The following CLCN5 variants were observed in gnomAD, a reference collection of about 807,000 sequenced individuals.
The protein encoded by CLCN5 is Cl-/H+ antiporter 5.
A neutral mutation model predicts 54.0 loss-of-function variants in CLCN5; 17 were observed. That is an observed-to-expected ratio of 0.31 (90% CI 0.22 to 0.47). The LOEUF is 0.47. Ranked by LOEUF, CLCN5 falls within the 20% of genes least tolerant of loss-of-function variation. The pLI is 1.00. For missense variants in CLCN5, 448 were observed against 646.7 expected, an observed-to-expected ratio of 0.69 and a Z score of 3.33; for synonymous variants, 222 against 233.0, an observed-to-expected ratio of 0.95 and a Z score of 0.43.
At chrX:50,001,616 TC>T (rs375720698) in intron 3 of CLCN5, among the ~76,000 whole-genome samples, 3,058 of 44,933 alleles carry the variant, frequency 0.068, 177 homozygotes, top group African/African-American at 0.25. Context: ...CCCTCCCCCC[TC>T]CCCCCACCCC....
chrX:49,982,685 T>C, intron 3 of CLCN5, among the ~76,000 whole-genome samples: 1 of 112,031 alleles, frequency 8.9e-6, no homozygotes, highest in South Asian at 3.7e-4. Context: ...TGTGCGTGTA[T>C]GGAAAACTAT....
intron 3 of CLCN5, among the ~76,000 whole-genome samples, chrX:49,970,933 G>A (rs1928175136): frequency 9.0e-6 from 1 of 111,006 alleles, no homozygotes; most frequent in Non-Finnish European, 1.9e-5. Context: ...GTTATTGTCT[G>A]TCATGAGATA....
intron 3 of CLCN5, among the ~76,000 whole-genome samples, chrX:49,991,723 A>G (rs1027380334): frequency 1.8e-5 from 2 of 112,082 alleles, no homozygotes; most frequent in African/African-American, 6.5e-5. Flanking sequence ...CTGTTAACAT[A>G]TAACACACCT....
In CLCN5 at chrX:50,073,603, G is replaced by A. The variant is rs781927756; in HGVS notation, c.415+1015G>A. Among the ~76,000 whole-genome samples, 7 of 111,971 alleles carry A rather than the reference G, an allele frequency of 6.3e-5. No individual in the cohort carries two copies. In the South Asian group the frequency reaches 1.9e-3, roughly 30 times the overall value. ...AGTTGTTAATGCTGCTGCTGCTGCCGTTACCAAGAGAGAATAATTCATGAG... is the reference window on the plus strand; with the variant it reads ...AGTTGTTAATGCTGCTGCTGCTGCCATTACCAAGAGAGAATAATTCATGAG... On this transcript the variant is annotated intron_variant, in intron 6 of 14. Coordinates refer to ENST00000376091, the MANE Select transcript of CLCN5 (RefSeq NM_001127898.4).
At chrX:50,007,005 T>C (rs1900954188) in intron 3 of CLCN5, among the ~76,000 whole-genome samples, 1 of 110,844 alleles carries the variant, frequency 9.0e-6, no homozygotes, top group Non-Finnish European at 1.9e-5. Flanking sequence ...TGGTCAGGCA[T>C]CTAGGGATGT....
At chrX:50,044,474 G>A (rs949487712) in intron 4 of CLCN5, among the ~76,000 whole-genome samples, 2 of 111,980 alleles carry the variant, frequency 1.8e-5, no homozygotes, top group East Asian at 2.8e-4. Flanking sequence ...ATGTGCATCC[G>A]TATAAGAGAT....
intron 3 of CLCN5, chrX:50,003,036 A>C: frequency 3.6e-6 from 1 of 274,171 alleles, no homozygotes; most frequent in Admixed American, 3.7e-5. Flanking sequence ...GAAGGTACAT[A>C]TGTGAATGTA....
chrX:50,063,530 C>A (rs1332790178), intron 4 of CLCN5, among the ~76,000 whole-genome samples: 1 of 106,522 alleles, frequency 9.4e-6, no homozygotes, highest in East Asian at 2.9e-4. Flanking sequence ...GTTTACCAAC[C>A]AAAAAGAGTC....
At chrX:49,939,527 C>G (rs1926205974) in intron 3 of CLCN5, among the ~76,000 whole-genome samples, 1 of 110,918 alleles carries the variant, frequency 9.0e-6, no homozygotes. Flanking sequence ...TCTCAGCAAA[C>G]TATCGCAAGG....
At chrX:49,922,890 G>A (rs1925133651) in intron 1 of CLCN5, 98 bp downstream of exon 1, 1 of 112,884 alleles carries the variant, frequency 8.9e-6, no homozygotes, top group Non-Finnish European at 1.9e-5. Context: ...GCGACACAGG[G>A]GAAGCGCAAT....
intron 9 of CLCN5, among the ~76,000 whole-genome samples, chrX:50,082,398 G>A (rs782053994): frequency 1.3e-4 from 14 of 107,984 alleles, no homozygotes; most frequent in South Asian, 4.2e-4. Flanking sequence ...CTGCAGCCTC[G>A]ACCTCCCTGG....
At chrX:49,953,194 G>A (rs1304042794) in intron 3 of CLCN5, among the ~76,000 whole-genome samples, 1 of 111,615 alleles carries the variant, frequency 9.0e-6, no homozygotes, top group Non-Finnish European at 1.9e-5. Context: ...CCGTGTGTGT[G>A]TAACTTTAAT....
At position 49,923,419 on chromosome X, in the gene CLCN5, G is replaced by A. The variant is rs1296242712; in HGVS notation, c.-192G>A. ...ATTAACATTTCAGAGCAAATCAGTTGCCTGGAGTTCCCAGTGAAGTTGTAC... is the reference window on the plus strand; with the variant it reads ...ATTAACATTTCAGAGCAAATCAGTTACCTGGAGTTCCCAGTGAAGTTGTAC... On this transcript the variant is annotated 5_prime_UTR_variant, in exon 2 of 15. Transcript: ENST00000376091. 1.3e-4 allele frequency: 15 copies of A among 112,583 alleles called. No individual in the cohort carries two copies. Among genetic ancestry groups the A allele is most frequent in the Non-Finnish European group, 2.8e-4 (15 of 53,354 alleles). 9.3% of individuals were successfully genotyped at this position (112,583 alleles called of 1,213,427 possible).
intron 5 of CLCN5, among the ~76,000 whole-genome samples, chrX:50,071,843 C>T (rs1449818303): frequency 1.8e-5 from 2 of 111,916 alleles, no homozygotes; most frequent in Non-Finnish European, 3.8e-5. Flanking sequence ...AGTGACAAAA[C>T]TGTCAGAATG....
At chrX:49,923,689 T>A (rs1925186796) in intron 2 of CLCN5, 1 of 112,363 alleles carries the variant, frequency 8.9e-6, no homozygotes, top group East Asian at 2.8e-4. Context: ...CTGTCCCAGG[T>A]CTCAGAGAAG....
At chrX:49,928,101 G>A (rs1169571296) in intron 3 of CLCN5, among the ~76,000 whole-genome samples, 1 of 111,652 alleles carries the variant, frequency 9.0e-6, no homozygotes. Context: ...AGTACAGTAG[G>A]GAGACTACAG....
At chrX:50,008,492 G>A in intron 3 of CLCN5, 1 of 347,547 alleles carries the variant, frequency 2.9e-6, no homozygotes, top group Non-Finnish European at 6.0e-6. Flanking sequence ...ATGCACCTGG[G>A]CAAGGATTCT....
chrX:50,067,801 C>T, intron 4 of CLCN5: 1 of 649,698 alleles, frequency 1.5e-6, no homozygotes, highest in Non-Finnish European at 1.8e-6. Context: ...AAGCATGCCC[C>T]CCGGGAGCAG....
chrX:50,053,581 A>G (rs988473173), intron 4 of CLCN5, among the ~76,000 whole-genome samples: 1 of 110,793 alleles, frequency 9.0e-6, no homozygotes, highest in Non-Finnish European at 1.9e-5. Context: ...TTCTTCTCCT[A>G]GTTCCCTAAG....
Sources: gnomAD v4.1 joint callset for allele counts (sites outside exome capture counted in the v4.1 genomes callset) on GRCh38, gnomAD v4.1.1 for gene constraint, MANE v1.5 for transcripts, NCBI Gene and HGNC (gene_info 2026-07-23, HGNC 2026-07-21) for gene names.